The following CERKL variants were observed in gnomAD, a reference collection of about 807,000 sequenced individuals.
The protein encoded by CERKL is CERK like autophagy regulator, also known as ceramide kinase-like protein.
Under a neutral mutation model 63.4 loss-of-function variants are expected in CERKL, and 61 were observed. The ratio of observed to expected loss-of-function variants is 0.96; its 90% CI spans 0.78 to 1.19. CERKL has a LOEUF of 1.19. Ranked by LOEUF, CERKL falls within the 50% of genes most tolerant of loss-of-function variation. The probability of loss-of-function intolerance (pLI) is 0.00; values close to 1 mark genes in which losing one functional copy is unlikely to be tolerated. For missense variants in CERKL, 675 were observed against 655.5 expected (o/e 1.03, Z -0.33); for synonymous variants, 250 against 230.5 (o/e 1.08, Z -0.77).
intron 5 of CERKL, among the ~76,000 whole-genome samples, chr2:181,552,742 GC>G (rs1688038448): frequency 1.3e-5 from 2 of 151,978 alleles, no homozygotes; most frequent in African/African-American, 4.8e-5. Context: ...TCTTTATTTA[GC>G]CATTTCACAA....
In CERKL at chr2:181,539,178, C is replaced by T; in HGVS notation, c.1452G>A (p.Glu484=). Residue 484 remains glutamate, a synonymous_variant, in exon 12 of 13, where the codon GAG becomes GAA. Transcript: ENST00000410087. ...TTTCTGAAGCAGTTTCATCCTCCTC[C>T]TCCTCTGGATTATATCCACCAGTAT... ...RNNTGGYNPE[E]EEDETASENC... 6.2e-7 allele frequency: 1 copy of T among 1,606,172 alleles called. No individual in the cohort carries two copies. The highest frequency in any genetic ancestry group is 1.1e-5 in the South Asian group (1 of 90,914).
intron 1 of CERKL, among the ~76,000 whole-genome samples, chr2:181,610,467 T>C (rs1316854418): frequency 1.3e-5 from 2 of 152,200 alleles, no homozygotes; most frequent in Non-Finnish European, 2.9e-5. Context: ...CTAATATTTA[T>C]AATAACAAAA....
intron 11 of CERKL, among the ~76,000 whole-genome samples, chr2:181,540,642 A>T (rs1469132923): frequency 6.6e-6 from 1 of 152,210 alleles, no homozygotes; most frequent in Non-Finnish European, 1.5e-5. Context: ...ATCTTAAATC[A>T]GCAGTTGTCA....
intron 11 of CERKL, among the ~76,000 whole-genome samples, chr2:181,542,454 A>C (rs1342470443): frequency 6.6e-6 from 1 of 152,198 alleles, no homozygotes. Context: ...TGATTTTCAT[A>C]ATCTTACAAA....
At chr2:181,593,922 T>C (rs567928786) in intron 2 of CERKL, among the ~76,000 whole-genome samples, 4 of 151,764 alleles carry the variant, frequency 2.6e-5, no homozygotes, top group African/African-American at 9.7e-5. Flanking sequence ...GATAGGAATC[T>C]TGTTCTACCA....
At chr2:181,653,278 G>A (rs1191976214) in intron 1 of CERKL, among the ~76,000 whole-genome samples, 1 of 152,168 alleles carries the variant, frequency 6.6e-6, no homozygotes, top group Non-Finnish European at 1.5e-5. Flanking sequence ...ACACAGATAT[G>A]GAGAAAAGGG....
chr2:181,641,348 TA>T (rs1687430769), intron 1 of CERKL, among the ~76,000 whole-genome samples: 1 of 11,866 alleles, frequency 8.4e-5, no homozygotes, highest in Non-Finnish European at 1.4e-4. Flanking sequence ...TATATATACA[TA>T]TATATACACA....
intron 1 of CERKL, among the ~76,000 whole-genome samples, chr2:181,611,689 G>T (rs1387461115): frequency 6.6e-6 from 1 of 152,016 alleles, no homozygotes; most frequent in African/African-American, 2.4e-5. Flanking sequence ...TGTCTCAAAA[G>T]TAAATAAAAT....
At chr2:181,544,559 T>C in intron 11 of CERKL, 141 bp downstream of exon 11, 1 of 585,334 alleles carries the variant, frequency 1.7e-6, no homozygotes, top group Non-Finnish European at 3.0e-6. Context: ...TTGGATGAAA[T>C]AGATTGGGAA....
intron 2 of CERKL, among the ~76,000 whole-genome samples, chr2:181,597,058 G>A (rs1685245384): frequency 6.6e-6 from 1 of 151,890 alleles, no homozygotes; most frequent in Admixed American, 6.6e-5. Context: ...GGAGGTCTTG[G>A]CAGTCTAATG....
intron 1 of CERKL, among the ~76,000 whole-genome samples, chr2:181,636,697 T>C (rs1321094757): frequency 3.3e-5 from 5 of 152,204 alleles, no homozygotes; most frequent in Admixed American, 2.6e-4. Context: ...TTTTCTAGAA[T>C]GGTTTCCTTG....
At chr2:181,655,707 C>A (rs149462889) in intron 1 of CERKL, among the ~76,000 whole-genome samples, 1 of 152,198 alleles carries the variant, frequency 6.6e-6, no homozygotes, top group Non-Finnish European at 1.5e-5. Flanking sequence ...AACATAAATA[C>A]CACACTGTGT....
At chr2:181,642,028 A>C (rs567127046) in intron 1 of CERKL, among the ~76,000 whole-genome samples, 6 of 152,370 alleles carry the variant, frequency 3.9e-5, no homozygotes, top group African/African-American at 1.4e-4. Flanking sequence ...TTAAAACTTT[A>C]TAAGCAGATA....
intron 2 of CERKL, among the ~76,000 whole-genome samples, chr2:181,595,813 AT>A (rs1685179995): frequency 6.6e-6 from 1 of 152,186 alleles, no homozygotes; most frequent in African/African-American, 2.4e-5. Flanking sequence ...AAAACTCATA[AT>A]TTTATTTCCC....
rs1385575986 is a variant in CERKL at position 181,619,076 on chromosome 2, T to G, written c.239-14997A>C. ...AATATTTCATATTCTATACCCCAAG[T>G]TCATCATGCAATGTGATTGGCTTTC... On this transcript the variant is annotated intron_variant, in intron 1 of 12. Coordinates refer to ENST00000410087, the MANE Select transcript of CERKL (RefSeq NM_201548.5). 1.1e-4 allele frequency among the ~76,000 whole-genome samples: 16 copies of G among 149,302 alleles called. 1 individual carries two copies. Among genetic ancestry groups the G allele is most frequent in the Admixed American group, 9.3e-4 (14 of 15,056 alleles).
At chr2:181,561,013 A>G (rs1688416862) in intron 4 of CERKL, among the ~76,000 whole-genome samples, 1 of 152,202 alleles carries the variant, frequency 6.6e-6, no homozygotes. Context: ...CATGAAGGTC[A>G]CAAAGAAAAT....
At chr2:181,648,792 C>A (rs186395549) in intron 1 of CERKL, among the ~76,000 whole-genome samples, 1 of 152,040 alleles carries the variant, frequency 6.6e-6, no homozygotes, top group East Asian at 1.9e-4. Context: ...TTAGGGATGG[C>A]GGAGGAAAAA....
intron 1 of CERKL, among the ~76,000 whole-genome samples, chr2:181,608,744 TA>T (rs1346571087): frequency 3.3e-5 from 5 of 152,094 alleles, no homozygotes; most frequent in African/African-American, 9.7e-5. Context: ...GAAAGTGAAA[TA>T]AAAGACAGTA....
At chr2:181,620,544 T>C (rs1686403138) in intron 1 of CERKL, among the ~76,000 whole-genome samples, 1 of 152,224 alleles carries the variant, frequency 6.6e-6, no homozygotes. Context: ...TTCAGAGTAT[T>C]TGAACTCGGC....
Sources: allele counts gnomAD v4.1 joint callset (sites outside exome capture counted in the v4.1 genomes callset), GRCh38; gene constraint gnomAD v4.1.1; transcripts MANE v1.5; gene names NCBI Gene and HGNC (gene_info 2026-07-23, HGNC 2026-07-21).